The following SLC35D4 variants were observed in gnomAD, a reference collection of about 807,000 sequenced individuals.
The protein encoded by SLC35D4 is UDP-N-acetylglucosamine transporter SLC35D4.
chr18:23,291,886 T>C, the SLC35D4 span, among the ~76,000 whole-genome samples: 1 of 152,192 alleles, frequency 6.6e-6, no homozygotes, highest in Admixed American at 6.5e-5. Flanking sequence ...CTCTCCGGGC[T>C]GGGCTCAGGG....
the SLC35D4 span, among the ~76,000 whole-genome samples, chr18:23,284,919 G>A: frequency 6.6e-6 from 1 of 152,242 alleles, no homozygotes; most frequent in Admixed American, 6.5e-5. Flanking sequence ...GGCAGGGGAT[G>A]CGTGGGCAGG....
the SLC35D4 span, among the ~76,000 whole-genome samples, chr18:23,273,003 G>A: frequency 1.3e-5 from 2 of 152,166 alleles, no homozygotes; most frequent in African/African-American, 4.8e-5. Context: ...CACTGCCCAA[G>A]CTTTGTTCTC....
At chr18:23,401,876 T>C in the SLC35D4 span, among the ~76,000 whole-genome samples, 1 of 152,176 alleles carries the variant, frequency 6.6e-6, no homozygotes, top group African/African-American at 2.4e-5. Flanking sequence ...TTAACCCTCC[T>C]ACCCAAAAAT....
chr18:23,363,252 C>CA, the SLC35D4 span, among the ~76,000 whole-genome samples: 7 of 107,954 alleles, frequency 6.5e-5, no homozygotes, highest in African/African-American at 2.5e-4. Flanking sequence ...GACTCTGTCT[C>CA]AAAAAAAAAA....
chr18:23,355,980 C>T, the SLC35D4 span, among the ~76,000 whole-genome samples: 2 of 152,154 alleles, frequency 1.3e-5, no homozygotes, highest in East Asian at 1.9e-4. Flanking sequence ...GAGTGGTGAT[C>T]GTGGCAGGAC....
At chr18:23,281,348 G>T in the SLC35D4 span, among the ~76,000 whole-genome samples, 18 of 152,084 alleles carry the variant, frequency 1.2e-4, no homozygotes, top group Non-Finnish European at 2.1e-4. Context: ...TTTGAGACAA[G>T]ATCTTGTTCT....
chr18:23,385,957 C>T, the SLC35D4 span, among the ~76,000 whole-genome samples: 1 of 151,560 alleles, frequency 6.6e-6, no homozygotes. Flanking sequence ...TGGTGAAATC[C>T]CGTCTCTACT....
chr18:23,340,208 G>A, the SLC35D4 span, among the ~76,000 whole-genome samples: 11 of 152,186 alleles, frequency 7.2e-5, no homozygotes, highest in African/African-American at 2.6e-4. Flanking sequence ...ATGGTGGTGC[G>A]TGCCTATAGT....
chr18:23,394,876 G>A, the SLC35D4 span, among the ~76,000 whole-genome samples: 2 of 151,650 alleles, frequency 1.3e-5, no homozygotes, highest in Non-Finnish European at 2.9e-5. Context: ...CCAGCTAGTC[G>A]GGAGGCTGAG....
the SLC35D4 span, chr18:23,437,704 G>C: frequency 6.9e-7 from 1 of 1,457,654 alleles, no homozygotes; most frequent in Non-Finnish European, 9.4e-7. Context: ...GCAGGAGGAG[G>C]CTCCGTTTGT....
At chr18:23,410,186 G>A in the SLC35D4 span, among the ~76,000 whole-genome samples, 3 of 152,176 alleles carry the variant, frequency 2.0e-5, no homozygotes, top group African/African-American at 7.2e-5. Flanking sequence ...GCTATTAAAA[G>A]ATATGTGCAT....
chr18:23,373,627 G>C, the SLC35D4 span: 1 of 1,482,348 alleles, frequency 6.7e-7, no homozygotes, highest in Non-Finnish European at 9.4e-7. Flanking sequence ...GCTTCTAAAA[G>C]GAAGGACTAG....
At chr18:23,387,439 G>C in the SLC35D4 span, among the ~76,000 whole-genome samples, 1 of 152,152 alleles carries the variant, frequency 6.6e-6, no homozygotes, top group Non-Finnish European at 1.5e-5. Flanking sequence ...GGACCTTGAT[G>C]AGTGGCTCAG....
the SLC35D4 span, among the ~76,000 whole-genome samples, chr18:23,309,435 G>A: frequency 5.3e-3 from 800 of 152,082 alleles, 4 homozygotes; most frequent in South Asian, 0.022. Context: ...TATACAGAAT[G>A]GTTGGTTTGT....
At chr18:23,380,502 G>A in the SLC35D4 span, among the ~76,000 whole-genome samples, 2 of 152,150 alleles carry the variant, frequency 1.3e-5, no homozygotes. Context: ...CTCCCATGCC[G>A]AATTACTGGA....
chr18:23,359,000 G>A, the SLC35D4 span, among the ~76,000 whole-genome samples: 1 of 152,166 alleles, frequency 6.6e-6, no homozygotes, highest in African/African-American at 2.4e-5. Flanking sequence ...CCAGCCACAT[G>A]CAAACTCGAT....
chr18:23,384,127 A>C, the SLC35D4 span, among the ~76,000 whole-genome samples: 1 of 151,892 alleles, frequency 6.6e-6, no homozygotes, highest in Admixed American at 6.6e-5. Context: ...TATCTCTATA[A>C]ATAAAAATTA....
the SLC35D4 span, chr18:23,437,913 C>T: frequency 6.5e-7 from 1 of 1,546,884 alleles, no homozygotes; most frequent in South Asian, 1.2e-5. Context: ...TGGCCGCCGC[C>T]CGACCCCCGC....
chr18:23,337,370 G>A, the SLC35D4 span, among the ~76,000 whole-genome samples: 1 of 151,864 alleles, frequency 6.6e-6, no homozygotes, highest in Non-Finnish European at 1.5e-5. Flanking sequence ...AGCTACCTGG[G>A]AGGCTGAGGC....
Sources: allele counts gnomAD v4.1 joint callset (sites outside exome capture counted in the v4.1 genomes callset), GRCh38; gene constraint gnomAD v4.1.1; transcripts MANE v1.5; gene names NCBI Gene and HGNC (gene_info 2026-07-23, HGNC 2026-07-21).